Variants in DPP10 observed in about 807,000 individuals in gnomAD.
DPP10 encodes the protein inactive dipeptidyl peptidase 10.
In DPP10, 33 loss-of-function variants were observed where a neutral mutation model predicts 120.9. The ratio of observed to expected loss-of-function variants is 0.27; its 90% CI spans 0.21 to 0.37. The LOEUF (loss-of-function observed/expected upper bound fraction) is 0.37. Ranked by LOEUF, DPP10 falls within the 10% of genes least tolerant of loss-of-function variation. The probability of loss-of-function intolerance (pLI) is 1.00; values close to 1 mark genes in which losing one functional copy is unlikely to be tolerated. For synonymous variants in DPP10, 337 were observed against 326.1 expected, an observed-to-expected ratio of 1.03 and a Z score of -0.36; for missense variants, 816 against 942.8, an observed-to-expected ratio of 0.87 and a Z score of 1.76.
chr2:114,900,178 G>C (rs1693434217), intron 1 of DPP10, among the ~76,000 whole-genome samples: 1 of 152,140 alleles, frequency 6.6e-6, no homozygotes, highest in Admixed American at 6.5e-5. Flanking sequence ...TTAAATTTTT[G>C]TCAAGAGGGT....
At chr2:115,111,597 C>T (rs139787121) in intron 1 of DPP10, among the ~76,000 whole-genome samples, 188 of 152,242 alleles carry the variant, frequency 1.2e-3, no homozygotes, top group African/African-American at 4.3e-3. Flanking sequence ...CAAGGTGACT[C>T]TCGTCAACCA....
rs543882180 is a variant in DPP10, at chr2:114,670,511, C to T, written c.60+227673C>T. 4.9e-4 allele frequency among the ~76,000 whole-genome samples: 74 copies of T among 151,462 alleles called. 1 individual carries two copies. The highest frequency in any genetic ancestry group is 2.7e-3 in the East Asian group (14 of 5,126). On this transcript the variant is annotated intron_variant, in intron 1 of 25. Coordinates refer to ENST00000410059, the MANE Select transcript of DPP10 (RefSeq NM_020868.6). Reference sequence around the variant, plus strand: ...CACATGGACACAGGAAGGGGAACATCACACTCTGGGGACTGTTGTGGGGTG... The same window carrying T: ...CACATGGACACAGGAAGGGGAACATTACACTCTGGGGACTGTTGTGGGGTG...
chr2:115,530,524 A>G (rs1453680791), intron 5 of DPP10, among the ~76,000 whole-genome samples: 3 of 152,048 alleles, frequency 2.0e-5, no homozygotes, highest in African/African-American at 4.8e-5. Context: ...CACAAAAAAT[A>G]CAAAAAATTT....
intron 7 of DPP10, 91 bp downstream of exon 7, chr2:115,690,012 T>G: frequency 7.6e-7 from 1 of 1,317,056 alleles, no homozygotes; most frequent in Non-Finnish European, 1.1e-6. Context: ...ATAGGAAAAC[T>G]TGTCCTACAA....
intron 1 of DPP10, among the ~76,000 whole-genome samples, chr2:114,890,532 C>T (rs1322806727): frequency 6.6e-6 from 1 of 152,136 alleles, no homozygotes; most frequent in Admixed American, 6.5e-5. Flanking sequence ...GAACAACCCC[C>T]GATATCCCCA....
intron 1 of DPP10, among the ~76,000 whole-genome samples, chr2:115,120,770 C>T (rs932439334): frequency 6.6e-6 from 1 of 152,194 alleles, no homozygotes; most frequent in African/African-American, 2.4e-5. Context: ...TCCTAAACAT[C>T]CCTCTTTGTA....
rs1292693300 is a variant in DPP10, at chr2:115,543,673, T to G, written c.441+17701T>G. 2.0e-5 allele frequency among the ~76,000 whole-genome samples: 3 copies of G among 151,934 alleles called. No individual in the cohort carries two copies. The East Asian group carries it at 5.8e-4, about 29-fold the overall frequency. ...TCCCTCACATGCCTAGAATATAGAA[T>G]CAGTATGTCTTCAGTCACTAGCTGT... On this transcript the variant is annotated intron_variant, in intron 5 of 25. Coordinates refer to ENST00000410059, the MANE Select transcript of DPP10 (RefSeq NM_020868.6).
At chr2:115,375,804 G>A (rs190204122) in intron 3 of DPP10, among the ~76,000 whole-genome samples, 87 of 152,236 alleles carry the variant, frequency 5.7e-4, no homozygotes, top group Middle Eastern at 6.8e-3. Context: ...GAGCAAGGGC[G>A]CAGTTTTAAA....
intron 1 of DPP10, among the ~76,000 whole-genome samples, chr2:114,511,471 T>C (rs551093856): frequency 6.6e-6 from 1 of 152,124 alleles, no homozygotes; most frequent in Non-Finnish European, 1.5e-5. Context: ...TTAAAAACGG[T>C]TGGAAAGAAA....
intron 1 of DPP10, among the ~76,000 whole-genome samples, chr2:114,913,584 G>A (rs1240770872): frequency 6.6e-6 from 1 of 152,150 alleles, no homozygotes; most frequent in Non-Finnish European, 1.5e-5. Flanking sequence ...ATCCAAAGTG[G>A]CAATTTTAAA....
At chr2:115,223,936 G>A (rs1005435897) in intron 1 of DPP10, among the ~76,000 whole-genome samples, 9 of 151,998 alleles carry the variant, frequency 5.9e-5, no homozygotes, top group Non-Finnish European at 1.3e-4. Flanking sequence ...TTAAAATGAT[G>A]TTACTCAATT....
chr2:114,626,269 G>A (rs2105352676), intron 1 of DPP10, among the ~76,000 whole-genome samples: 1 of 151,686 alleles, frequency 6.6e-6, no homozygotes, highest in East Asian at 1.9e-4. Flanking sequence ...TTTGTCCTTA[G>A]GGTATATCTC....
intron 1 of DPP10, among the ~76,000 whole-genome samples, chr2:114,713,712 TG>T: frequency 6.6e-6 from 1 of 152,068 alleles, no homozygotes; most frequent in Non-Finnish European, 1.5e-5. Context: ...CAAATTTGGC[TG>T]GGCGCAGTGG....
At chr2:115,762,166 A>G (rs1399433146) in intron 11 of DPP10, among the ~76,000 whole-genome samples, 1 of 152,174 alleles carries the variant, frequency 6.6e-6, no homozygotes, top group East Asian at 1.9e-4. Flanking sequence ...AAGAATGTCC[A>G]CTTTTTAGTT....
At chr2:115,628,906 G>C (rs183081828) in intron 5 of DPP10, among the ~76,000 whole-genome samples, 104 of 151,914 alleles carry the variant, frequency 6.8e-4, no homozygotes, top group African/African-American at 2.4e-3. Context: ...ATGTTGGTGT[G>C]CTGCACCCAT....
chr2:115,168,433 T>C (rs375375736), intron 1 of DPP10, among the ~76,000 whole-genome samples: 2 of 152,220 alleles, frequency 1.3e-5, no homozygotes, highest in Admixed American at 6.5e-5. Context: ...CATAAACTTA[T>C]ATCCTTATGG....
At chr2:115,209,174 A>T (rs2056348762) in intron 1 of DPP10, among the ~76,000 whole-genome samples, 1 of 152,178 alleles carries the variant, frequency 6.6e-6, no homozygotes, top group Non-Finnish European at 1.5e-5. Context: ...GCTGTAATCA[A>T]GTTAAAAAAA....
At chr2:115,070,064 T>A (rs1381211865) in intron 1 of DPP10, among the ~76,000 whole-genome samples, 1 of 152,052 alleles carries the variant, frequency 6.6e-6, no homozygotes, top group Admixed American at 6.5e-5. Flanking sequence ...TCATCACAAT[T>A]TATTAGGTTA....
At chr2:114,626,954 G>A (rs1186298414) in intron 1 of DPP10, among the ~76,000 whole-genome samples, 1 of 151,928 alleles carries the variant, frequency 6.6e-6, no homozygotes, top group Admixed American at 6.6e-5. Context: ...ACTATTTCAT[G>A]GGGTGAATGG....
Sources: gnomAD v4.1 joint callset for allele counts (sites outside exome capture counted in the v4.1 genomes callset) on GRCh38, gnomAD v4.1.1 for gene constraint, MANE v1.5 for transcripts, NCBI Gene and HGNC (gene_info 2026-07-23, HGNC 2026-07-21) for gene names.